TAS2R1: variants seen among roughly 807,000 people sequenced by gnomAD.
The protein encoded by TAS2R1 is taste 2 receptor member 1, also known as taste receptor type 2 member 1.
For missense variants in TAS2R1, 370 were observed against 353.4 expected (o/e 1.05, Z -0.38); for synonymous variants, 141 against 134.2 (o/e 1.05, Z -0.35).
chr5:9,822,040 T>G, the TAS2R1 span, among the ~76,000 whole-genome samples: 196 of 152,340 alleles, frequency 1.3e-3, no homozygotes, highest in African/African-American at 4.5e-3. Context: ...ACCACTGCTC[T>G]TGCTGTCAGT....
the TAS2R1 span, among the ~76,000 whole-genome samples, chr5:9,822,213 A>G: frequency 6.6e-6 from 1 of 152,138 alleles, no homozygotes; most frequent in East Asian, 1.9e-4. Context: ...ATTTTCTGAT[A>G]CTGATTATCA....
chr5:9,785,643 A>G, the TAS2R1 span, among the ~76,000 whole-genome samples: 3 of 152,226 alleles, frequency 2.0e-5, no homozygotes. Context: ...GAGGACACTG[A>G]CATTTTAGGG....
At chr5:9,675,081 TATA>T (rs915887056) in intron 1 of TAS2R1, among the ~76,000 whole-genome samples, 12 of 148,952 alleles carry the variant, frequency 8.1e-5, no homozygotes, top group East Asian at 7.8e-4. Flanking sequence ...AAAGCCCACT[TATA>T]ATAACACCCC....
At chr5:9,692,144 T>C (rs1337909701) in intron 1 of TAS2R1, among the ~76,000 whole-genome samples, 1 of 152,132 alleles carries the variant, frequency 6.6e-6, no homozygotes. Context: ...AGTTTGTGTT[T>C]CTCCCTTGGT....
At chr5:9,878,735 T>C in the TAS2R1 span, among the ~76,000 whole-genome samples, 1 of 152,194 alleles carries the variant, frequency 6.6e-6, no homozygotes, top group Non-Finnish European at 1.5e-5. Context: ...TTTCAGAATC[T>C]AGAGGCATCC....
chr5:9,855,917 G>C, the TAS2R1 span, among the ~76,000 whole-genome samples: 1 of 151,662 alleles, frequency 6.6e-6, no homozygotes, highest in South Asian at 2.1e-4. Flanking sequence ...CCTACATTCT[G>C]ATTGGTATCA....
the TAS2R1 span, among the ~76,000 whole-genome samples, chr5:9,884,418 G>T: frequency 6.7e-6 from 1 of 148,734 alleles, no homozygotes; most frequent in South Asian, 2.2e-4. Context: ...AGGTTGCAGT[G>T]AGTGGAGATC....
At chr5:9,869,537 T>C in the TAS2R1 span, among the ~76,000 whole-genome samples, 1 of 152,118 alleles carries the variant, frequency 6.6e-6, no homozygotes, top group South Asian at 2.1e-4. Context: ...CAATTCAAGA[T>C]GAGATTAGGG....
the TAS2R1 span, among the ~76,000 whole-genome samples, chr5:9,836,865 C>A: frequency 2.6e-4 from 39 of 152,230 alleles, no homozygotes; most frequent in Middle Eastern, 3.4e-3. Flanking sequence ...CAGCAAAAAA[C>A]CAAGAAACAT....
chr5:9,872,739 T>C, the TAS2R1 span, among the ~76,000 whole-genome samples: 4 of 152,250 alleles, frequency 2.6e-5, no homozygotes, highest in Admixed American at 6.5e-5. Context: ...AGTTTAACTC[T>C]AGCACATGAA....
the TAS2R1 span, among the ~76,000 whole-genome samples, chr5:9,895,314 A>G: frequency 2.0e-5 from 3 of 152,226 alleles, no homozygotes; most frequent in Non-Finnish European, 2.9e-5. Flanking sequence ...TTGATCAATA[A>G]GCTATTACAA....
intron 2 of TAS2R1, among the ~76,000 whole-genome samples, chr5:9,651,419 A>G (rs1740303253): frequency 6.6e-6 from 1 of 152,206 alleles, no homozygotes; most frequent in African/African-American, 2.4e-5. Flanking sequence ...GACTTTCCAG[A>G]AGAAAAATGT....
chr5:9,683,432 T>C (rs1297876909), intron 1 of TAS2R1, among the ~76,000 whole-genome samples: 1 of 152,158 alleles, frequency 6.6e-6, no homozygotes, highest in Non-Finnish European at 1.5e-5. Flanking sequence ...TTTTGATTGC[T>C]GATAGTATTG....
At chr5:9,807,977 A>G in the TAS2R1 span, among the ~76,000 whole-genome samples, 3 of 152,176 alleles carry the variant, frequency 2.0e-5, no homozygotes, top group African/African-American at 7.2e-5. Context: ...AGAAATTTGT[A>G]CCAAGAAGTG....
chr5:9,631,942 T>A (rs1739879925), upstream of TAS2R1, among the ~76,000 whole-genome samples: 2 of 152,294 alleles, frequency 1.3e-5, no homozygotes, highest in Admixed American at 1.3e-4. Context: ...CATGAGCAGA[T>A]GCCATCAGAA....
chr5:9,873,239 G>A, the TAS2R1 span, among the ~76,000 whole-genome samples: 8 of 152,186 alleles, frequency 5.3e-5, no homozygotes, highest in South Asian at 1.3e-3. Context: ...GGCTTCTCTC[G>A]GTAGGATATT....
the TAS2R1 span, among the ~76,000 whole-genome samples, chr5:9,824,847 A>AAG: frequency 2.7e-5 from 4 of 149,976 alleles, no homozygotes; most frequent in African/African-American, 1.0e-4. Flanking sequence ...AAACTCTGAA[A>AAG]AAAAAAAAAA....
chr5:9,720,507 G>T, the TAS2R1 span, among the ~76,000 whole-genome samples: 3 of 152,220 alleles, frequency 2.0e-5, no homozygotes, highest in African/African-American at 7.2e-5. Flanking sequence ...TTAGGCCAAA[G>T]AAAATCACAC....
chr5:9,872,377 A>T, the TAS2R1 span, among the ~76,000 whole-genome samples: 1 of 152,226 alleles, frequency 6.6e-6, no homozygotes, highest in Non-Finnish European at 1.5e-5. Flanking sequence ...ATCTGTAGCC[A>T]CAGCTTCTAA....
Sources: gnomAD v4.1 joint callset for allele counts (sites outside exome capture counted in the v4.1 genomes callset) on GRCh38, gnomAD v4.1.1 for gene constraint, MANE v1.5 for transcripts, NCBI Gene and HGNC (gene_info 2026-07-23, HGNC 2026-07-21) for gene names.